The following TENM3 variants were observed in gnomAD, a reference collection of about 807,000 sequenced individuals.
TENM3 encodes teneurin transmembrane protein 3.
In TENM3, 63 loss-of-function variants were observed where a neutral mutation model predicts 255.1. The ratio of observed to expected loss-of-function variants is 0.25; its 90% CI spans 0.20 to 0.30. The LOEUF (loss-of-function observed/expected upper bound fraction) is 0.30, where lower values mean the gene tolerates loss of function less well. Among genes scored for constraint, TENM3 ranks in the 10% least tolerant of loss-of-function variants. The pLI, the probability that TENM3 is intolerant of heterozygous loss-of-function variation, is 1.00. For synonymous variants in TENM3, 1,306 were observed against 1,322.3 expected, an observed-to-expected ratio of 0.99 and a Z score of 0.27; for missense variants, 2,929 against 3,461.1, an observed-to-expected ratio of 0.85 and a Z score of 3.86.
chr4:182,017,587 CA>C, the TENM3 span, among the ~76,000 whole-genome samples: 1 of 152,162 alleles, frequency 6.6e-6, no homozygotes, highest in Non-Finnish European at 1.5e-5. Context: ...TACAGACACA[CA>C]CACACACATG....
At chr4:182,706,205 G>C (rs997173754) in intron 12 of TENM3, among the ~76,000 whole-genome samples, 1 of 152,198 alleles carries the variant, frequency 6.6e-6, no homozygotes, top group East Asian at 1.9e-4. Flanking sequence ...TTAGAATATG[G>C]ATTTTGGTGT....
At chr4:182,138,704 T>C in the TENM3 span, among the ~76,000 whole-genome samples, 1 of 152,206 alleles carries the variant, frequency 6.6e-6, no homozygotes, top group Non-Finnish European at 1.5e-5. Context: ...AGTATCTACA[T>C]GTTATAGGTG....
At chr4:181,888,516 G>GTA in the TENM3 span, among the ~76,000 whole-genome samples, 8 of 41,516 alleles carry the variant, frequency 1.9e-4, 1 homozygote, top group East Asian at 7.6e-4. Flanking sequence ...ATATATATAT[G>GTA]TATATATATA....
chr4:182,226,234 A>T (rs1756147456), intron 1 of TENM3, among the ~76,000 whole-genome samples: 1 of 152,110 alleles, frequency 6.6e-6, no homozygotes. Context: ...CAGCCCATTA[A>T]AGGAAAGAGA....
At chr4:181,530,696 C>T in the TENM3 span, among the ~76,000 whole-genome samples, 5 of 152,184 alleles carry the variant, frequency 3.3e-5, no homozygotes, top group Non-Finnish European at 5.9e-5. Context: ...TCCAAACAGG[C>T]ATAGCCATAA....
At chr4:182,604,264 C>T (rs1748196905) in intron 4 of TENM3, among the ~76,000 whole-genome samples, 1 of 152,122 alleles carries the variant, frequency 6.6e-6, no homozygotes, top group Admixed American at 6.5e-5. Flanking sequence ...TTCAGATCTC[C>T]TAGAGTCACA....
At chr4:181,641,400 T>A in the TENM3 span, among the ~76,000 whole-genome samples, 5 of 151,164 alleles carry the variant, frequency 3.3e-5, no homozygotes, top group Non-Finnish European at 1.5e-5. Context: ...TTGCTCATTG[T>A]TCAGCTCCCA....
At chr4:181,978,536 A>C in the TENM3 span, among the ~76,000 whole-genome samples, 1 of 151,702 alleles carries the variant, frequency 6.6e-6, no homozygotes, top group African/African-American at 2.4e-5. Flanking sequence ...AATCCCAGCT[A>C]CTCAGGAGGC....
intron 12 of TENM3, among the ~76,000 whole-genome samples, chr4:182,712,054 A>G (rs868067701): frequency 8.5e-5 from 13 of 152,306 alleles, no homozygotes; most frequent in African/African-American, 1.9e-4. Context: ...TTTATTTCAT[A>G]TGGAAGCTTC....
the TENM3 span, among the ~76,000 whole-genome samples, chr4:181,677,688 G>A: frequency 1.3e-5 from 2 of 152,070 alleles, no homozygotes; most frequent in African/African-American, 4.8e-5. Flanking sequence ...TCTTGTTTAA[G>A]AGAATTGAAT....
At chr4:181,874,786 C>T in the TENM3 span, among the ~76,000 whole-genome samples, 26,114 of 152,178 alleles carry the variant, frequency 0.17, 2,812 homozygotes, top group East Asian at 0.56. Context: ...GGCTGATCTC[C>T]GCCTCCTCTG....
At chr4:181,722,092 AAAG>A in the TENM3 span, among the ~76,000 whole-genome samples, 3 of 152,230 alleles carry the variant, frequency 2.0e-5, no homozygotes, top group East Asian at 5.8e-4. Context: ...CTGAGATGAA[AAAG>A]AAGATCATGA....
chr4:182,424,075 A>G (rs888714979), intron 3 of TENM3, among the ~76,000 whole-genome samples: 2 of 152,154 alleles, frequency 1.3e-5, no homozygotes, highest in Non-Finnish European at 2.9e-5. Flanking sequence ...AACACATGGG[A>G]AGAAAAGAAT....
intron 3 of TENM3, among the ~76,000 whole-genome samples, chr4:182,499,457 C>T (rs754273924): frequency 5.9e-5 from 9 of 152,102 alleles, no homozygotes; most frequent in Non-Finnish European, 1.3e-4. Flanking sequence ...TATGTCACTG[C>T]AGAGGCTTTC....
the TENM3 span, among the ~76,000 whole-genome samples, chr4:182,056,934 G>A: frequency 1.3e-5 from 2 of 151,722 alleles, no homozygotes; most frequent in African/African-American, 4.9e-5. Context: ...AGTGCAGAGT[G>A]AAAGAATATG....
intron 5 of TENM3, among the ~76,000 whole-genome samples, chr4:182,634,924 C>G (rs1187863461): frequency 2.6e-5 from 4 of 152,150 alleles, no homozygotes; most frequent in African/African-American, 9.7e-5. Context: ...AGAAATCCCT[C>G]ATGAAGGATA....
intron 1 of TENM3, among the ~76,000 whole-genome samples, chr4:182,233,919 G>GTT (rs1756731782): frequency 6.6e-6 from 1 of 152,208 alleles, no homozygotes; most frequent in South Asian, 2.1e-4. Flanking sequence ...TTTTCTCTTG[G>GTT]TTAAGTCACT....
chr4:181,604,252 G>A, the TENM3 span, among the ~76,000 whole-genome samples: 277 of 152,204 alleles, frequency 1.8e-3, 1 homozygote, highest in Non-Finnish European at 2.8e-3. Flanking sequence ...GCGACAGAGC[G>A]AGACTCCGTC....
At chr4:181,495,903 A>G in the TENM3 span, among the ~76,000 whole-genome samples, 1 of 15,204 alleles carries the variant, frequency 6.6e-5, no homozygotes, top group Non-Finnish European at 2.3e-4. Context: ...GAGACAAATT[A>G]AAAAAAAAAA....
Sources: allele counts gnomAD v4.1 joint callset (sites outside exome capture counted in the v4.1 genomes callset), GRCh38; gene constraint gnomAD v4.1.1; transcripts MANE v1.5; gene names NCBI Gene and HGNC (gene_info 2026-07-23, HGNC 2026-07-21).